Variants in GRM8 observed in about 807,000 individuals in gnomAD.
GRM8 encodes glutamate metabotropic receptor 8.
A neutral mutation model predicts 87.2 loss-of-function variants in GRM8; 47 were observed. The ratio of observed to expected loss-of-function variants is 0.54; its 90% CI spans 0.43 to 0.69. The LOEUF (loss-of-function observed/expected upper bound fraction) is 0.69, where lower values mean the gene tolerates loss of function less well. GRM8 is among the 30% of genes least tolerant of loss of function. The pLI is 0.00. For missense variants in GRM8, 1,019 were observed against 1,139.2 expected (o/e 0.89, Z 1.52); for synonymous variants, 396 against 404.5 (o/e 0.98, Z 0.25).
intron 3 of GRM8, among the ~76,000 whole-genome samples, chr7:126,965,504 C>T (rs1809758356): frequency 2.0e-5 from 3 of 152,126 alleles, no homozygotes; most frequent in Admixed American, 2.0e-4. Context: ...CTAGTAGTCA[C>T]ATTTTAAAAA....
intron 3 of GRM8, among the ~76,000 whole-genome samples, chr7:126,942,106 G>A (rs1300371615): frequency 6.6e-6 from 1 of 151,896 alleles, no homozygotes; most frequent in African/African-American, 2.4e-5. Flanking sequence ...GAATCAGGCA[G>A]GAAAACTACT....
At chr7:126,473,484 C>A (rs972362966) in intron 9 of GRM8, among the ~76,000 whole-genome samples, 2 of 152,176 alleles carry the variant, frequency 1.3e-5, no homozygotes, top group Non-Finnish European at 2.9e-5. Context: ...CCCAATGTAT[C>A]TAGGAAGTAA....
At chr7:127,028,309 C>T (rs1701368535) in intron 3 of GRM8, among the ~76,000 whole-genome samples, 1 of 152,102 alleles carries the variant, frequency 6.6e-6, no homozygotes, top group Admixed American at 6.6e-5. Flanking sequence ...TTTGTTGTGT[C>T]TCTGCCAGGC....
chr7:127,071,846 A>G (rs530576110), intron 3 of GRM8, among the ~76,000 whole-genome samples: 1 of 152,212 alleles, frequency 6.6e-6, no homozygotes, highest in East Asian at 1.9e-4. Flanking sequence ...AGATTTTCAA[A>G]CTGAATATCA....
At chr7:126,808,466 G>A (rs1792982587) in intron 6 of GRM8, among the ~76,000 whole-genome samples, 1 of 152,180 alleles carries the variant, frequency 6.6e-6, no homozygotes, top group South Asian at 2.1e-4. Flanking sequence ...CTACCTTACT[G>A]TAAACACTCA....
chr7:126,850,757 T>C (rs954631796), intron 6 of GRM8, among the ~76,000 whole-genome samples: 3 of 152,192 alleles, frequency 2.0e-5, no homozygotes, highest in Admixed American at 6.5e-5. Context: ...AAAATATTCA[T>C]GTTTTGTCTG....
intron 3 of GRM8, among the ~76,000 whole-genome samples, chr7:127,003,391 T>C (rs975182343): frequency 2.0e-5 from 3 of 151,764 alleles, no homozygotes; most frequent in African/African-American, 4.8e-5. Flanking sequence ...TTTGGTGCTA[T>C]AGATTAAATT....
At position 127,250,363 on chromosome 7, in the gene GRM8, A is replaced by G. The variant is rs898440961; in HGVS notation, c.-312+2434T>C. Among the ~76,000 whole-genome samples, 6 of 152,246 alleles carry G rather than the reference A, an allele frequency of 3.9e-5. 1 individual carries two copies. Among genetic ancestry groups the G allele is most frequent in the Admixed American group, 1.3e-4 (2 of 15,288 alleles). ...AGCAGCCATAACTTTCGAACGGTGC[A>G]TAACAGGGCAGAACTAGCTAGCACA... On this transcript the variant is annotated intron_variant, in intron 1 of 10. Coordinates refer to ENST00000339582, the MANE Select transcript of GRM8 (RefSeq NM_000845.3).
Position 126,835,137 on chromosome 7 carries a change from A to T in GRM8, c.1157-65072T>A, listed in dbSNP as rs561547130. ...AATAAAACAGAATTATAACACTGAG[A>T]ATTAAAATTACTTTTACCATGTAGC... On this transcript the variant is annotated intron_variant, in intron 6 of 10. Transcript: ENST00000339582. Among the ~76,000 whole-genome samples, 11 of 152,258 alleles carry T rather than the reference A, an allele frequency of 7.2e-5. No homozygotes were observed. The South Asian group carries it at 1.0e-3, about 14-fold the overall frequency.
At chr7:126,738,154 C>T (rs1263774253) in intron 7 of GRM8, among the ~76,000 whole-genome samples, 7 of 152,074 alleles carry the variant, frequency 4.6e-5, no homozygotes, top group Admixed American at 3.9e-4. Flanking sequence ...AGGGCACATA[C>T]AGTACAAAGA....
chr7:126,644,911 C>T (rs1468439986), intron 7 of GRM8, among the ~76,000 whole-genome samples: 1 of 152,224 alleles, frequency 6.6e-6, no homozygotes, highest in Non-Finnish European at 1.5e-5. Context: ...ATTCTCTACA[C>T]TCTCCCCAGT....
chr7:127,251,918 A>G (rs1798898742), intron 1 of GRM8, among the ~76,000 whole-genome samples: 2 of 152,298 alleles, frequency 1.3e-5, no homozygotes, highest in South Asian at 4.1e-4. Flanking sequence ...GCTAACTCGG[A>G]GAACGCAAAC....
chr7:126,968,301 G>A (rs939357906), intron 3 of GRM8, among the ~76,000 whole-genome samples: 1 of 152,136 alleles, frequency 6.6e-6, no homozygotes, highest in African/African-American at 2.4e-5. Flanking sequence ...CTAATCATCT[G>A]ACTCCATCAA....
At chr7:126,845,488 C>T (rs1284222118) in intron 6 of GRM8, among the ~76,000 whole-genome samples, 1 of 152,122 alleles carries the variant, frequency 6.6e-6, no homozygotes, top group Non-Finnish European at 1.5e-5. Flanking sequence ...CAGCATTTTT[C>T]CATCTCACAA....
At chr7:126,586,211 G>A (rs536729090) in intron 8 of GRM8, among the ~76,000 whole-genome samples, 1 of 152,156 alleles carries the variant, frequency 6.6e-6, no homozygotes, top group South Asian at 2.1e-4. Context: ...AACATTCCAT[G>A]CTCATGGATA....
intron 8 of GRM8, among the ~76,000 whole-genome samples, chr7:126,560,552 A>G (rs981228471): frequency 6.6e-6 from 1 of 152,188 alleles, no homozygotes; most frequent in African/African-American, 2.4e-5. Context: ...AACACCACAG[A>G]TAAGATTTAC....
At chr7:127,140,867 C>T (rs1308625203) in intron 2 of GRM8, among the ~76,000 whole-genome samples, 1 of 152,068 alleles carries the variant, frequency 6.6e-6, no homozygotes, top group Admixed American at 6.6e-5. Context: ...CCATTTATCA[C>T]TCCATGTTGA....
chr7:127,036,631 T>C (rs533961163), intron 3 of GRM8, among the ~76,000 whole-genome samples: 1 of 152,322 alleles, frequency 6.6e-6, no homozygotes, highest in South Asian at 2.1e-4. Flanking sequence ...ACTTTGAAAG[T>C]TGCCATTTGG....
intron 9 of GRM8, among the ~76,000 whole-genome samples, chr7:126,461,323 C>A (rs1213230464): frequency 6.6e-6 from 1 of 151,516 alleles, no homozygotes; most frequent in Non-Finnish European, 1.5e-5. Flanking sequence ...ACATCTCTCA[C>A]CTGTAAATCC....
Sources: gnomAD v4.1 joint callset for allele counts (sites outside exome capture counted in the v4.1 genomes callset) on GRCh38, gnomAD v4.1.1 for gene constraint, MANE v1.5 for transcripts, NCBI Gene and HGNC (gene_info 2026-07-23, HGNC 2026-07-21) for gene names.